The following KAZN variants were observed in gnomAD, a reference collection of about 807,000 sequenced individuals.
KAZN encodes the protein kazrin, periplakin interacting protein, also known as kazrin.
Under a neutral mutation model 87.4 loss-of-function variants are expected in KAZN, and 40 were observed. The observed-to-expected ratio is 0.46, with a 90% CI of 0.36 to 0.60. The LOEUF is 0.60. KAZN is among the 20% of genes least tolerant of loss of function. The pLI is 0.00. For synonymous variants in KAZN, 466 were observed against 458.3 expected (o/e 1.02, Z -0.22); for missense variants, 898 against 1,073.9 (o/e 0.84, Z 2.29).
intron 1 of KAZN, among the ~76,000 whole-genome samples, chr1:13,940,075 G>T (rs561910774): frequency 1.4e-4 from 22 of 152,256 alleles, no homozygotes; most frequent in African/African-American, 5.1e-4. Context: ...CTAAATCAGG[G>T]ATACTCACCT....
Position 14,585,634 on chromosome 1 carries a change from A to G in KAZN, c.250-13349A>G, listed in dbSNP as rs72863635. On this transcript the variant is annotated intron_variant, in intron 2 of 16. Transcript: ENST00000636203. Reference sequence around the variant, plus strand: ...TGCCCAAGCCTAACATCAGGGGGTCAGGGAAAGGTACTCCACCTACTTCAA... The same window carrying G: ...TGCCCAAGCCTAACATCAGGGGGTCGGGGAAAGGTACTCCACCTACTTCAA... 3.7e-3 allele frequency among the ~76,000 whole-genome samples: 561 copies of G among 152,320 alleles called. 7 individuals carry two copies. Among genetic ancestry groups the G allele is most frequent in the African/African-American group, 0.013 (538 of 41,568 alleles).
chr1:14,889,232 T>C (rs182248190), intron 1 of KAZN, among the ~76,000 whole-genome samples: 37 of 152,316 alleles, frequency 2.4e-4, no homozygotes, highest in Admixed American at 2.3e-3. Flanking sequence ...GAGAAAAGTA[T>C]TATTGTCCCC....
intron 1 of KAZN, among the ~76,000 whole-genome samples, chr1:14,939,260 C>A (rs941785773): frequency 6.6e-6 from 1 of 151,858 alleles, no homozygotes; most frequent in African/African-American, 2.4e-5. Context: ...GTGTGAGCCA[C>A]CGTGCCTGGC....
chr1:13,964,777 G>C (rs1159024872), intron 1 of KAZN, among the ~76,000 whole-genome samples: 1 of 152,188 alleles, frequency 6.6e-6, no homozygotes, highest in African/African-American at 2.4e-5. Flanking sequence ...CATCACAAAA[G>C]GTGTGGCTAT....
intron 2 of KAZN, among the ~76,000 whole-genome samples, chr1:14,189,981 C>G (rs528150855): frequency 6.6e-6 from 1 of 152,172 alleles, no homozygotes; most frequent in African/African-American, 2.4e-5. Context: ...TGTTCTTATA[C>G]CCCTATATGT....
intron 4 of KAZN, among the ~76,000 whole-genome samples, chr1:15,050,062 AGG>A (rs1674149524): frequency 1.3e-5 from 1 of 76,596 alleles, no homozygotes; most frequent in African/African-American, 8.3e-5. Flanking sequence ...AGGGTAGGGT[AGG>A]GTAGAGTAGA....
Position 14,369,405 on chromosome 1 carries a change from G to A in KAZN, c.249+188813G>A, listed in dbSNP as rs767650064. Among the ~76,000 whole-genome samples the A allele has an allele frequency of 3.3e-5, 5 of 152,282 alleles. No homozygotes were observed. In the East Asian group the frequency reaches 9.7e-4, roughly 29 times the overall value. ...CTATTGTTTAAAATGCAGCCTCCAC[G>A]AGAAATCTGTGGAGAAATCTGTGGA... On this transcript the variant is annotated intron_variant, in intron 2 of 16. Transcript: ENST00000636203.
At chr1:13,954,947 A>T (rs891346059) in intron 1 of KAZN, among the ~76,000 whole-genome samples, 4 of 152,198 alleles carry the variant, frequency 2.6e-5, no homozygotes, top group South Asian at 4.1e-4. Flanking sequence ...AAAGACTTTT[A>T]GAGAGCTCCA....
At chr1:14,386,911 T>C (rs1347338766) in intron 2 of KAZN, among the ~76,000 whole-genome samples, 3 of 152,196 alleles carry the variant, frequency 2.0e-5, no homozygotes, top group Non-Finnish European at 2.9e-5. Context: ...CAGAGTGTTT[T>C]CCAACTTGGT....
In KAZN at chr1:15,099,148, G is replaced by C. The variant is rs943829879; in HGVS notation, c.1548-2395G>C. Among the ~76,000 whole-genome samples, 1 of 152,152 alleles carries C rather than the reference G, an allele frequency of 6.6e-6. No homozygotes were observed. Among genetic ancestry groups the C allele is most frequent in the African/African-American group, 2.4e-5 (1 of 41,432 alleles). On this transcript the variant is annotated intron_variant, in intron 10 of 14. Coordinates refer to ENST00000376030, the MANE Select transcript of KAZN (RefSeq NM_201628.3). This position sits in a 1 kb window ranked among gnomAD's most constrained non-coding sequence, Gnocchi z 5.4. ...TAGAGGACAGGCCCGGAGACAAGGG[G>C]GTCCCAGTGGACCCAAGTGGTTCTG... is the stretch of plus-strand genomic sequence containing the variant.
chr1:14,607,954 T>C (rs1488714305), intron 1 of KAZN, among the ~76,000 whole-genome samples: 1 of 152,224 alleles, frequency 6.6e-6, no homozygotes, highest in Non-Finnish European at 1.5e-5. Flanking sequence ...ACCTTCATAT[T>C]ACAGAGAGTT....
intron 2 of KAZN, among the ~76,000 whole-genome samples, chr1:14,476,146 G>T (rs1289277156): frequency 6.6e-6 from 1 of 152,178 alleles, no homozygotes; most frequent in African/African-American, 2.4e-5. Context: ...GGACTGGTTT[G>T]ATTTCAGTGC....
chr1:14,042,712 G>A (rs935393112), intron 1 of KAZN, among the ~76,000 whole-genome samples: 8 of 152,032 alleles, frequency 5.3e-5, no homozygotes, highest in Non-Finnish European at 1.0e-4. Flanking sequence ...TTGCCATCTT[G>A]GAACTGGAAG....
rs1325085198 is a variant in KAZN, at chr1:15,077,902, T to G, written c.1222+12149T>G. ...TTGCTGACATTTACTAAGTGCCTAC[T>G]GTGCCAGGCATGGGGTAGGCATTTG... On this transcript the variant is annotated intron_variant, in intron 8 of 14. Transcript: ENST00000376030. This position sits in a 1 kb window ranked among gnomAD's most constrained non-coding sequence, Gnocchi z 4.8. Among the ~76,000 whole-genome samples, 1 of 152,218 alleles carries G rather than the reference T, an allele frequency of 6.6e-6. No homozygotes were observed. Among genetic ancestry groups the G allele is most frequent in the Non-Finnish European group, 1.5e-5 (1 of 68,048 alleles).
Position 14,820,939 on chromosome 1 carries a change from G to A in KAZN, c.227-139745G>A, listed in dbSNP as rs1646721357. ...GACATGACGGCACCGGGGATGGCAA[G>A]GGCTGGACGCAGCAGGACCGTGGTC... On this transcript the variant is annotated intron_variant, in intron 1 of 14. Transcript: ENST00000376030. The surrounding 1 kb of genome is among the most constrained non-coding windows in gnomAD (Gnocchi z 4.1). Among the ~76,000 whole-genome samples the A allele has an allele frequency of 6.6e-6, 1 of 152,198 alleles. No homozygotes were observed. The highest frequency in any genetic ancestry group is 2.1e-4 in the South Asian group (1 of 4,828).
intron 1 of KAZN, among the ~76,000 whole-genome samples, chr1:14,824,184 C>G (rs988228835): frequency 1.3e-5 from 2 of 151,376 alleles, no homozygotes; most frequent in Non-Finnish European, 2.9e-5. Flanking sequence ...TCAATTCAGG[C>G]AGGGGTGCAG....
At chr1:14,484,383 A>G (rs1475870389) in intron 2 of KAZN, among the ~76,000 whole-genome samples, 1 of 152,196 alleles carries the variant, frequency 6.6e-6, no homozygotes. Context: ...GAGGTAATGT[A>G]TATGTTAATT....
In KAZN at chr1:15,025,861, G is replaced by A. The variant is rs374633854; in HGVS notation, c.419-8888G>A. ...GAGCAGACTGGGCGCAGTGGCTCAG[G>A]CCTGTAATCCCAGCACTTTGGGAGG... On this transcript the variant is annotated intron_variant, in intron 2 of 14. Coordinates refer to ENST00000376030, the MANE Select transcript of KAZN (RefSeq NM_201628.3). Among the ~76,000 whole-genome samples the A allele has an allele frequency of 5.3e-5, 8 of 152,292 alleles. No individual in the cohort carries two copies. The East Asian group carries it at 1.5e-3, about 29-fold the overall frequency.
At chr1:14,100,091 C>T (rs1644215723) in intron 1 of KAZN, among the ~76,000 whole-genome samples, 2 of 152,178 alleles carry the variant, frequency 1.3e-5, no homozygotes, top group African/African-American at 4.8e-5. Flanking sequence ...TGTCACTGCT[C>T]CAAACCCCTG....
Sources: gnomAD v4.1 joint callset for allele counts (sites outside exome capture counted in the v4.1 genomes callset) on GRCh38, gnomAD v4.1.1 for gene constraint, Gnocchi (gnomAD v3.1) non-coding constraint, MANE v1.5 for transcripts, NCBI Gene and HGNC (gene_info 2026-07-23, HGNC 2026-07-21) for gene names.